Variants in PLEKHM3 observed in about 807,000 individuals in gnomAD.
PLEKHM3 encodes the protein pleckstrin homology domain containing M3, also known as pleckstrin homology domain-containing family M member 3.
PLEKHM3 carries 45 observed loss-of-function variants against 81.8 expected under a neutral mutation model. The ratio of observed to expected loss-of-function variants is 0.55; its 90% CI spans 0.43 to 0.71. PLEKHM3 has a LOEUF of 0.71. PLEKHM3 is among the 30% of genes least tolerant of loss of function. The probability of loss-of-function intolerance (pLI) is 0.00; values close to 1 mark genes in which losing one functional copy is unlikely to be tolerated. For synonymous variants in PLEKHM3, 352 were observed against 356.4 expected (o/e 0.99, Z 0.14); for missense variants, 788 against 924.3 (o/e 0.85, Z 1.91).
intron 3 of PLEKHM3, among the ~76,000 whole-genome samples, chr2:207,971,571 A>G (rs1442208828): frequency 2.6e-5 from 4 of 152,214 alleles, no homozygotes; most frequent in African/African-American, 9.7e-5. Context: ...AACTAAAAAA[A>G]AAAAAAGAGC....
At position 207,898,765 on chromosome 2, in the gene PLEKHM3, G is replaced by A. The variant is rs538447372; in HGVS notation, c.1950+9749C>T. ...TAAAAATCAGCCGTAGCGTGGTGGCGCGTGCCTATGGTTTCAGCTACCTGG... is the reference window on the plus strand; with the variant it reads ...TAAAAATCAGCCGTAGCGTGGTGGCACGTGCCTATGGTTTCAGCTACCTGG... On this transcript the variant is annotated intron_variant, in intron 6 of 7. Coordinates refer to ENST00000427836, the MANE Select transcript of PLEKHM3 (RefSeq NM_001080475.3). Among the ~76,000 whole-genome samples the A allele has an allele frequency of 6.5e-4, 99 of 152,150 alleles. 1 individual carries two copies. In the South Asian group the frequency reaches 0.02, roughly 30 times the overall value.
chr2:207,866,958 AATG>A (rs771664635), intron 6 of PLEKHM3, among the ~76,000 whole-genome samples: 4 of 152,220 alleles, frequency 2.6e-5, no homozygotes, highest in Non-Finnish European at 4.4e-5. Context: ...AACATTTAAA[AATG>A]ATGATATTTG....
rs536449465 is a variant in PLEKHM3 at position 207,842,224 on chromosome 2, G to A, written c.2109-13728C>T. Among the ~76,000 whole-genome samples, 380 of 152,292 alleles carry A rather than the reference G, an allele frequency of 2.5e-3. 5 individuals carry two copies. The South Asian group carries it at 0.033, about 13-fold the overall frequency. ...GCTGGGATTACAGGCATGAGCCACC[G>A]CGCCTGGCCCCCATCTTTTTATTAT... is the stretch of plus-strand genomic sequence containing the variant. On this transcript the variant is annotated intron_variant, in intron 7 of 7. Transcript: ENST00000427836.
At chr2:208,016,666 A>AT (rs1468410522) in intron 1 of PLEKHM3, among the ~76,000 whole-genome samples, 2 of 34,054 alleles carry the variant, frequency 5.9e-5, no homozygotes, top group African/African-American at 1.0e-4. Context: ...AAAAAAAAAA[A>AT]AAATACACAC....
chr2:207,973,445 C>G lies in PLEKHM3; in HGVS notation c.1546+3206G>C, dbSNP rs564566427. On this transcript the variant is annotated intron_variant, in intron 3 of 7. Coordinates refer to ENST00000427836, the MANE Select transcript of PLEKHM3 (RefSeq NM_001080475.3). ...AATAAAGTATTCTTACCTAGAAAAC[C>G]AGAGTTCAGCCTGGCACAGGCGGTG... Among the ~76,000 whole-genome samples the G allele has an allele frequency of 1.4e-4, 21 of 152,274 alleles. No individual in the cohort carries two copies. In the East Asian group the frequency reaches 4.1e-3, roughly 29 times the overall value.
intron 5 of PLEKHM3, among the ~76,000 whole-genome samples, 196 bp downstream of exon 5, chr2:207,930,730 C>T (rs1689562814): frequency 6.6e-6 from 1 of 152,144 alleles, no homozygotes; most frequent in South Asian, 2.1e-4. Context: ...TTTTGCTTGG[C>T]TTAACCAAAT....
rs182305712 is a variant in PLEKHM3, at chr2:208,019,235, G to C, written c.-319+6154C>G. ...GTAGGAGGATCGCTTGGGCTCAGGA[G>C]TTTGAGGCTGCAGTGAGCTATGATC... On this transcript the variant is annotated intron_variant, in intron 1 of 7. Transcript: ENST00000427836. Among the ~76,000 whole-genome samples, 5 of 152,296 alleles carry C rather than the reference G, an allele frequency of 3.3e-5. No homozygotes were observed. The East Asian group carries it at 9.6e-4, about 29-fold the overall frequency.
intron 5 of PLEKHM3, among the ~76,000 whole-genome samples, chr2:207,913,308 C>T (rs1383217661): frequency 3.3e-5 from 5 of 151,832 alleles, no homozygotes; most frequent in Non-Finnish European, 4.4e-5. Flanking sequence ...TCCAGGGGGG[C>T]ACATGCTGGG....
chr2:207,955,604 A>G (rs1690477722), intron 3 of PLEKHM3, among the ~76,000 whole-genome samples: 1 of 152,194 alleles, frequency 6.6e-6, no homozygotes, highest in African/African-American at 2.4e-5. Flanking sequence ...TATTATGCCC[A>G]TTTTACAGAA....
At chr2:207,992,248 A>T (rs1691922933) in intron 2 of PLEKHM3, among the ~76,000 whole-genome samples, 1 of 152,210 alleles carries the variant, frequency 6.6e-6, no homozygotes, top group African/African-American at 2.4e-5. Flanking sequence ...GCCCTGCCAC[A>T]TACTAGCTGC....
intron 7 of PLEKHM3, among the ~76,000 whole-genome samples, chr2:207,854,328 TA>T (rs1268633009): frequency 6.6e-6 from 1 of 152,176 alleles, no homozygotes; most frequent in African/African-American, 2.4e-5. Context: ...CCACAATTAT[TA>T]ATACATGGAA....
intron 6 of PLEKHM3, chr2:207,901,033 A>G (rs960825741): frequency 1.8e-6 from 1 of 551,286 alleles, no homozygotes; most frequent in Non-Finnish European, 3.2e-6. Context: ...ACACCATCCA[A>G]CTCCACAGCT....
chr2:207,840,223 G>A (rs1166875683), intron 7 of PLEKHM3, among the ~76,000 whole-genome samples: 1 of 152,172 alleles, frequency 6.6e-6, no homozygotes, highest in Non-Finnish European at 1.5e-5. Context: ...GGGTCTTGCT[G>A]TTGCCCAGGC....
chr2:207,905,619 G>A (rs527525279), intron 6 of PLEKHM3, among the ~76,000 whole-genome samples: 74 of 152,322 alleles, frequency 4.9e-4, no homozygotes, highest in Admixed American at 1.8e-3. Flanking sequence ...CAGATCAAAA[G>A]CTAAATCCAA....
chr2:207,993,182 G>T (rs1004603539), intron 2 of PLEKHM3, among the ~76,000 whole-genome samples: 1 of 152,168 alleles, frequency 6.6e-6, no homozygotes, highest in Non-Finnish European at 1.5e-5. Context: ...TTCCCATAGA[G>T]AAGTGTTATG....
In PLEKHM3 at chr2:207,977,568, G is replaced by T; in HGVS notation, c.629C>A (p.Pro210Gln). Residue 210 changes from proline (P) to glutamine (Q), a missense_variant, in exon 3 of 8, where the codon CCA (proline) becomes CAA (glutamine). Pro to Gln is a moderately conservative substitution (Grantham distance 76, BLOSUM62 -1). Coordinates refer to ENST00000427836, the MANE Select transcript of PLEKHM3 (RefSeq NM_001080475.3). ...CAGGTAACCCTTCTTTAGAATGTTTGGGAATGTCTGCTTGTGTTCTAGAAA... is the reference window on the plus strand; with the variant it reads ...CAGGTAACCCTTCTTTAGAATGTTTTGGAATGTCTGCTTGTGTTCTAGAAA... ...QGNTEHKQTF[P>Q]NILKKGYLEI... 2 of 1,607,544 alleles carry T rather than the reference G, an allele frequency of 1.2e-6. No homozygotes were observed. The highest frequency in any genetic ancestry group is 1.7e-4 in the Middle Eastern group (1 of 6,020).
intron 5 of PLEKHM3, among the ~76,000 whole-genome samples, chr2:207,913,743 A>G (rs113695682): frequency 0.013 from 1,950 of 152,180 alleles, 44 homozygotes; most frequent in African/African-American, 0.044. Flanking sequence ...TTCTAAAAAC[A>G]TAAGAGAAAC....
chr2:207,888,865 G>A (rs1687963833), intron 6 of PLEKHM3, among the ~76,000 whole-genome samples: 1 of 152,168 alleles, frequency 6.6e-6, no homozygotes, highest in Non-Finnish European at 1.5e-5. Context: ...AAACTCAGGG[G>A]CAATGCTATA....
At chr2:207,913,485 C>T (rs906639850) in intron 5 of PLEKHM3, among the ~76,000 whole-genome samples, 18 of 151,946 alleles carry the variant, frequency 1.2e-4, no homozygotes, top group African/African-American at 4.4e-4. Flanking sequence ...AGAAGGTGGT[C>T]AATGGCATCA....
Sources: allele counts gnomAD v4.1 joint callset (sites outside exome capture counted in the v4.1 genomes callset), GRCh38; gene constraint gnomAD v4.1.1; transcripts MANE v1.5; gene names NCBI Gene and HGNC (gene_info 2026-07-23, HGNC 2026-07-21).